MYOF: variants seen among roughly 807,000 people sequenced by gnomAD.
MYOF encodes fer-1-like 3, myoferlin.
In MYOF, 244 loss-of-function variants were observed where a neutral mutation model predicts 284.2. That is an observed-to-expected ratio of 0.86 (90% CI 0.77 to 0.95). The LOEUF (loss-of-function observed/expected upper bound fraction) is 0.95. Among genes scored for constraint, MYOF ranks in the 40% least tolerant of loss-of-function variants. The pLI is 0.00. For synonymous variants in MYOF, 904 were observed against 919.7 expected (o/e 0.98, Z 0.31); for missense variants, 2,496 against 2,560.6 (o/e 0.97, Z 0.54).
intron 4 of MYOF, among the ~76,000 whole-genome samples, chr10:93,430,124 T>A (rs184965627): frequency 2.6e-5 from 4 of 151,334 alleles, no homozygotes; most frequent in African/African-American, 9.7e-5. Context: ...TTAGTAGAGA[T>A]GGGGTTTCAC....
intron 5 of MYOF, among the ~76,000 whole-genome samples, chr10:93,422,879 G>GTTTA (rs1292767152): frequency 1.3e-5 from 2 of 152,066 alleles, no homozygotes; most frequent in Admixed American, 1.3e-4. Flanking sequence ...ATCTCTTTAA[G>GTTTA]TTTACTCTTT....
In MYOF at chr10:93,397,456, C is replaced by T. The variant is rs1258424862; in HGVS notation, c.1222G>A (p.Val408Ile). ...TTTTTCTCAATTATGTTTGTACAAA[C>T]CTGTAAAATCACCAAAGCAAAAGTG... is the stretch of plus-strand genomic sequence containing the variant. Reference protein sequence around the residue: ...FVEVSFAGKKVCTNIIEKNAN... With the variant: ...FVEVSFAGKKICTNIIEKNAN... The change falls in exon 14 of 54, where the codon GTT becomes ATT. Residue 408 changes from valine to isoleucine, a missense_variant and splice_region_variant. Physicochemically the swap from Val to Ile is conservative, Grantham distance 29. This residue lies in a region of MYOF where 2,436 missense variants were observed against 2,480.7 expected (regional missense o/e 0.98). Transcript: ENST00000359263. The T allele has an allele frequency of 3.1e-6, 5 of 1,603,488 alleles. No individual in the cohort carries two copies. In the Admixed American group the frequency reaches 8.7e-5, roughly 28 times the overall value.
At chr10:93,312,694 T>C (rs1204185405) in intron 51 of MYOF, among the ~76,000 whole-genome samples, 1 of 151,994 alleles carries the variant, frequency 6.6e-6, no homozygotes, top group African/African-American at 2.4e-5. Context: ...CCCTTTTCCA[T>C]ACGAAATTGT....
intron 29 of MYOF, among the ~76,000 whole-genome samples, chr10:93,359,353 AATTT>A (rs1226313968): frequency 3.2e-5 from 2 of 62,394 alleles, no homozygotes; most frequent in African/African-American, 1.2e-4. Flanking sequence ...TGTTCTATTT[AATTT>A]ATTATTATTC....
chr10:93,391,279 G>C (rs1004586567), intron 17 of MYOF, among the ~76,000 whole-genome samples: 1 of 152,166 alleles, frequency 6.6e-6, no homozygotes, highest in South Asian at 2.1e-4. Context: ...TCACATCTTA[G>C]TATAGTCTCC....
chr10:93,452,521 C>T (rs929168792), intron 2 of MYOF, among the ~76,000 whole-genome samples: 1 of 126,662 alleles, frequency 7.9e-6, no homozygotes, highest in Non-Finnish European at 1.5e-5. Context: ...CACTTGGACA[C>T]AGGATGGGGA....
At chr10:93,334,662 A>G (rs1843512861) in intron 41 of MYOF, among the ~76,000 whole-genome samples, 1 of 152,140 alleles carries the variant, frequency 6.6e-6, no homozygotes, top group Non-Finnish European at 1.5e-5. Context: ...TTTTGCCTTA[A>G]AACCAGGAGA....
chr10:93,353,362 A>C (rs988777111), intron 32 of MYOF, among the ~76,000 whole-genome samples: 1 of 152,154 alleles, frequency 6.6e-6, no homozygotes, highest in Non-Finnish European at 1.5e-5. Context: ...GCAGAGGAGG[A>C]GGTTAAAATG....
intron 52 of MYOF, 52 bp downstream of exon 52, chr10:93,310,482 G>T (rs1015611292): frequency 1.9e-6 from 3 of 1,552,380 alleles, no homozygotes; most frequent in Admixed American, 3.4e-5. Flanking sequence ...GGGAAGGGGG[G>T]CTCTCAGCCT....
intron 1 of MYOF, among the ~76,000 whole-genome samples, chr10:93,479,494 C>T (rs4989679): frequency 0.78 from 118,164 of 152,116 alleles, 46,355 homozygotes; most frequent in South Asian, 0.84. Flanking sequence ...TTTAAACCAC[C>T]GACATAGACT....
At chr10:93,470,423 GACAGAGTCGCTCTGTC>G (rs2057118755) in intron 1 of MYOF, among the ~76,000 whole-genome samples, 1 of 151,438 alleles carries the variant, frequency 6.6e-6, no homozygotes, top group Non-Finnish European at 1.5e-5. Context: ...TGTTTTTTGA[GACAGAGTCGCTCTGTC>G]ACCCAGGCTG....
chr10:93,318,649 T>C (rs942616470), intron 49 of MYOF, among the ~76,000 whole-genome samples: 2 of 152,030 alleles, frequency 1.3e-5, no homozygotes, highest in Non-Finnish European at 2.9e-5. Context: ...TCCCAGCTAC[T>C]TGGGAGGCTG....
At chr10:93,316,889 G>A in intron 49 of MYOF, 76 bp from the exon 50 acceptor site, 1 of 1,230,744 alleles carries the variant, frequency 8.1e-7, no homozygotes, top group Non-Finnish European at 1.2e-6. Context: ...ATCAAAGCCT[G>A]GGGCCTTTCT....
intron 3 of MYOF, among the ~76,000 whole-genome samples, chr10:93,433,127 G>A (rs543607516): frequency 1.3e-5 from 2 of 151,942 alleles, no homozygotes; most frequent in East Asian, 3.9e-4. Flanking sequence ...TCCCGAAAAC[G>A]GACAGAAGAA....
At chr10:93,309,222 T>C (rs545657100) in intron 53 of MYOF, among the ~76,000 whole-genome samples, 4 of 152,206 alleles carry the variant, frequency 2.6e-5, no homozygotes, top group Non-Finnish European at 1.5e-5. Context: ...CTCACCTCCC[T>C]TAGTCATGTG....
Position 93,374,828 on chromosome 10 carries a change from C to A in MYOF, c.2236G>T (p.Asp746Tyr). 3 of 1,614,196 alleles carry A rather than the reference C, an allele frequency of 1.9e-6. No homozygotes were observed. Among genetic ancestry groups the A allele is most frequent in the South Asian group, 1.1e-5 (1 of 91,086 alleles). ...AAVRMRSEAT[D>Y]VKSTLAEIED... ...ATTTCTGCCAGTGTGGACTTCACAT[C>A]TGTGGCTTCCGACCTCATCCTCACA... Residue 746 changes from aspartate (D) to tyrosine (Y), a missense_variant, in exon 23 of 54, where the codon GAT becomes TAT. Transcript: ENST00000359263.
intron 1 of MYOF, among the ~76,000 whole-genome samples, chr10:93,465,533 C>CTTTTTTTTTTTTTTTTT (rs753278804): frequency 3.8e-5 from 2 of 53,230 alleles, no homozygotes; most frequent in Non-Finnish European, 9.4e-5. Context: ...TCTTTTTTTT[C>CTTTTTTTTTTTTTTTTT]TTTTCTTTTT....
intron 1 of MYOF, among the ~76,000 whole-genome samples, chr10:93,461,898 T>C (rs2056892418): frequency 6.6e-6 from 1 of 152,232 alleles, no homozygotes; most frequent in African/African-American, 2.4e-5. Context: ...TGCATGTTCC[T>C]GAACACATGA....
chr10:93,389,186 G>C, intron 17 of MYOF, 32 bp from the exon 18 acceptor site: 1 of 1,597,952 alleles, frequency 6.3e-7, no homozygotes, highest in Non-Finnish European at 8.5e-7. Flanking sequence ...GAGGTGTTAG[G>C]CTTTTAACAT....
Sources: allele counts gnomAD v4.1 joint callset (sites outside exome capture counted in the v4.1 genomes callset), GRCh38; gene constraint gnomAD v4.1.1; regional missense constraint gnomAD v4.1.1; transcripts MANE v1.5; gene names NCBI Gene and HGNC (gene_info 2026-07-23, HGNC 2026-07-21).